KDM3A: variants seen among roughly 807,000 people sequenced by gnomAD.
The protein encoded by KDM3A is lysine demethylase 3A.
A neutral mutation model predicts 158.0 loss-of-function variants in KDM3A; 60 were observed. The ratio of observed to expected loss-of-function variants is 0.38; its 90% CI spans 0.31 to 0.47. The LOEUF is 0.47. Among genes scored for constraint, KDM3A ranks in the 20% least tolerant of loss-of-function variants. The pLI is 0.99. For missense variants in KDM3A, 1,319 were observed against 1,574.3 expected, an observed-to-expected ratio of 0.84 and a Z score of 2.74; for synonymous variants, 608 against 549.3, an observed-to-expected ratio of 1.11 and a Z score of -1.49.
chr2:86,442,987 T>G (rs953639026), intron 2 of KDM3A, among the ~76,000 whole-genome samples: 1 of 152,164 alleles, frequency 6.6e-6, no homozygotes, highest in African/African-American at 2.4e-5. Context: ...CTTTTTCTGT[T>G]AGATCTTTTC....
chr2:86,486,519 C>G (rs569683733), intron 21 of KDM3A, among the ~76,000 whole-genome samples: 28 of 152,326 alleles, frequency 1.8e-4, no homozygotes, highest in African/African-American at 6.5e-4. Flanking sequence ...TTGTTGAATG[C>G]AGTTCTAGTT....
chr2:86,456,568 T>A lies in KDM3A; in HGVS notation c.681+2T>A, dbSNP rs752428949. 6.2e-7 allele frequency: 1 copy of A among 1,603,290 alleles called. No homozygotes were observed. The highest frequency in any genetic ancestry group is 1.1e-5 in the South Asian group (1 of 88,852). Reference sequence around the variant, plus strand: ...ACTCTTCAAGTCAACTGTGAGGAGGTAAAGACAACAATAACTCTTTGTAAG... The same window carrying A: ...ACTCTTCAAGTCAACTGTGAGGAGGAAAAGACAACAATAACTCTTTGTAAG... On this transcript the variant is annotated splice_donor_variant, in intron 6 of 25. Transcript: ENST00000312912. LOFTEE classifies it high-confidence loss of function.
In KDM3A at chr2:86,464,557, T is replaced by G. The variant is rs940753321; in HGVS notation, c.1007+341T>G. 4.6e-5 allele frequency among the ~76,000 whole-genome samples: 7 copies of G among 152,266 alleles called. No homozygotes were observed. The South Asian group carries it at 8.3e-4, about 18-fold the overall frequency. ...GGTCAGTGGGAGTGTGAAGAAGCAGTGAGACATGGTTACAGTGAGAGATTC... is the reference window on the plus strand; with the variant it reads ...GGTCAGTGGGAGTGTGAAGAAGCAGGGAGACATGGTTACAGTGAGAGATTC... On this transcript the variant is annotated intron_variant, in intron 9 of 25. Transcript: ENST00000312912.
At chr2:86,443,611 C>G (rs1682834770) in intron 2 of KDM3A, 1 of 152,200 alleles carries the variant, frequency 6.6e-6, no homozygotes, top group Admixed American at 6.5e-5. Context: ...GCCAAGGACA[C>G]ATACGTAGGA....
At position 86,485,055 on chromosome 2, in the gene KDM3A, T is replaced by C. The variant is rs1312926903; in HGVS notation, c.3182+26T>C. 4.0e-6 allele frequency: 5 copies of C among 1,250,758 alleles called. No individual in the cohort carries two copies. In the Admixed American group the frequency reaches 6.9e-5, roughly 17 times the overall value. 77.5% of individuals were successfully genotyped at this position (1,250,758 alleles called of 1,614,324 possible). On this transcript the variant is annotated intron_variant, in intron 20 of 25. Coordinates refer to ENST00000312912, the MANE Select transcript of KDM3A (RefSeq NM_018433.6). Reference sequence around the variant, plus strand: ...GTATGATTATGAAGGTGGGGAGAGATGATTCTGTCCTTCACTTGGTAGGAT... The same window carrying C: ...GTATGATTATGAAGGTGGGGAGAGACGATTCTGTCCTTCACTTGGTAGGAT...
intron 6 of KDM3A, 41 bp from the exon 7 acceptor site, chr2:86,456,764 A>AT: frequency 1.3e-6 from 2 of 1,512,720 alleles, no homozygotes; most frequent in South Asian, 1.1e-5. Flanking sequence ...GTTCTTGAGC[A>AT]TTTTTTATTT....
chr2:86,472,103 G>T (rs1010818088), intron 11 of KDM3A, among the ~76,000 whole-genome samples: 1 of 151,704 alleles, frequency 6.6e-6, no homozygotes, highest in African/African-American at 2.4e-5. Context: ...AGTTGCAAAG[G>T]CATTTTAGGG....
At position 86,457,431 on chromosome 2, in the gene KDM3A, C is replaced by T. The variant is rs145989649; in HGVS notation, c.843+360C>T. ...ATTACAGTCATGAGTGAGCTACTGC[C>T]CCTGGCTGCGTGGCAAATTTTTTTA... On this transcript the variant is annotated intron_variant, in intron 8 of 25. Transcript: ENST00000312912. Among the ~76,000 whole-genome samples, 113 of 152,222 alleles carry T rather than the reference C, an allele frequency of 7.4e-4. 2 individuals carry two copies. Among genetic ancestry groups the T allele is most frequent in the African/African-American group, 2.7e-3 (112 of 41,526 alleles).
chr2:86,491,294 C>T lies in KDM3A; in HGVS notation c.3885+19C>T, dbSNP rs1201492596. On this transcript the variant is annotated intron_variant, in intron 25 of 25. Transcript: ENST00000312912. ...ATTACAGGTAAAAATAGCACCAATT[C>T]CTAGCATTCTTTGGCTATGGCTATG... 1.2e-6 allele frequency: 2 copies of T among 1,611,914 alleles called. No homozygotes were observed. The highest frequency in any genetic ancestry group is 1.7e-6 in the Non-Finnish European group (2 of 1,178,376).
intron 11 of KDM3A, among the ~76,000 whole-genome samples, chr2:86,470,769 T>TG (rs1673364908): frequency 6.6e-6 from 1 of 152,222 alleles, no homozygotes; most frequent in Admixed American, 6.5e-5. Context: ...GTTGGTATAT[T>TG]GCACACCCTG....
chr2:86,485,719 G>A lies in KDM3A; in HGVS notation c.3183-10G>A, dbSNP rs1223290195. ...TCTAACTTTGCAAATTCCTGGTTCTGTTGTTCTAGGTTTGATGATCTGATG... is the reference window on the plus strand; with the variant it reads ...TCTAACTTTGCAAATTCCTGGTTCTATTGTTCTAGGTTTGATGATCTGATG... On this transcript the variant is annotated splice_polypyrimidine_tract_variant and intron_variant, in intron 20 of 25. Coordinates refer to ENST00000312912, the MANE Select transcript of KDM3A (RefSeq NM_018433.6). 5.6e-6 allele frequency: 9 copies of A among 1,611,348 alleles called. No individual in the cohort carries two copies. The highest frequency in any genetic ancestry group is 7.6e-6 in the Non-Finnish European group (9 of 1,177,976).
upstream of KDM3A, among the ~76,000 whole-genome samples, chr2:86,440,070 G>T (rs1010647400): frequency 1.3e-5 from 2 of 151,986 alleles, no homozygotes; most frequent in African/African-American, 4.8e-5. Flanking sequence ...ATATGTTCTG[G>T]TTTCTTTTGC....
chr2:86,470,306 C>G lies in KDM3A; in HGVS notation c.1622C>G (p.Ala541Gly). 1 of 1,614,124 alleles carries G rather than the reference C, an allele frequency of 6.2e-7. No homozygotes were observed. Among genetic ancestry groups the G allele is most frequent in the Non-Finnish European group, 8.5e-7 (1 of 1,179,994 alleles). ...VQDDSCVNIV[A>G]QLPKCRECRL... ...GATGATTCTTGTGTGAACATCGTGG[C>G]ACAGTTGCCTAAATGCCGAGAGTGT... is the stretch of plus-strand genomic sequence containing the variant. The change falls in exon 11 of 26, where the codon GCA (alanine) becomes GGA (glycine). Residue 541 changes from alanine (A) to glycine (G), a missense_variant. Physicochemically the swap from Ala to Gly is moderately conservative, Grantham distance 60. This residue lies in a region of KDM3A where 113 missense variants were observed against 190.5 expected (regional missense o/e 0.59). Transcript: ENST00000312912.
At chr2:86,455,390 C>G (rs1255481196) in intron 5 of KDM3A, among the ~76,000 whole-genome samples, 1 of 150,658 alleles carries the variant, frequency 6.6e-6, no homozygotes, top group Non-Finnish European at 1.5e-5. Context: ...GTAGCTAGGA[C>G]TACAGGCACG....
upstream of KDM3A, among the ~76,000 whole-genome samples, chr2:86,437,664 A>G (rs1297359959): frequency 6.6e-6 from 1 of 152,180 alleles, no homozygotes; most frequent in African/African-American, 2.4e-5. Context: ...CAAGAGACAG[A>G]ATTTTTCATC....
chr2:86,460,867 G>A (rs1672897849), intron 8 of KDM3A: 1 of 151,704 alleles, frequency 6.6e-6, no homozygotes, highest in Admixed American at 6.6e-5. Context: ...TGAGTCAGAG[G>A]CCAGTGCGGA....
intron 2 of KDM3A, among the ~76,000 whole-genome samples, chr2:86,446,151 A>G (rs1167327999): frequency 2.0e-5 from 3 of 152,192 alleles, no homozygotes; most frequent in Non-Finnish European, 4.4e-5. Flanking sequence ...AATCTGAAAT[A>G]TCGAGCATTT....
At chr2:86,467,076 A>G (rs1673190744) in intron 10 of KDM3A, among the ~76,000 whole-genome samples, 193 bp downstream of exon 10, 1 of 152,200 alleles carries the variant, frequency 6.6e-6, no homozygotes, top group African/African-American at 2.4e-5. Flanking sequence ...ACCTGGTTTC[A>G]TGTATATAGA....
intron 2 of KDM3A, among the ~76,000 whole-genome samples, chr2:86,447,102 A>G (rs1390135533): frequency 6.6e-6 from 1 of 152,228 alleles, no homozygotes; most frequent in Admixed American, 6.5e-5. Context: ...GTGAGTCACC[A>G]TGCCTGACTG....
Sources: gnomAD v4.1 joint callset for allele counts (sites outside exome capture counted in the v4.1 genomes callset) on GRCh38, gnomAD v4.1.1 for gene constraint, gnomAD v4.1.1 regional missense constraint, MANE v1.5 for transcripts, NCBI Gene and HGNC (gene_info 2026-07-23, HGNC 2026-07-21) for gene names.